Variants in CDC45 observed in about 807,000 individuals in gnomAD.
The protein encoded by CDC45 is cell division control protein 45 homolog.
A neutral mutation model predicts 77.8 loss-of-function variants in CDC45; 54 were observed. The ratio of observed to expected loss-of-function variants is 0.69; its 90% confidence interval spans 0.56 to 0.87. The LOEUF (loss-of-function observed/expected upper bound fraction) is 0.87, where lower values mean the gene tolerates loss of function less well. CDC45 is among the 40% of genes least tolerant of loss of function. The pLI is 0.00. For synonymous variants in CDC45, 260 were observed against 272.1 expected, an observed-to-expected ratio of 0.96 and a Z score of 0.44; for missense variants, 649 against 721.6, an observed-to-expected ratio of 0.90 and a Z score of 1.15.
rs2089953926 is a variant in CDC45, at chr22:19,480,220, G to A, written c.111+3G>A. ...TGTGTGCGTGCAAGATCCTTCAGGTGAGTTCTGCGGACCCTAGGAGGGCGG... is the reference window on the plus strand; with the variant it reads ...TGTGTGCGTGCAAGATCCTTCAGGTAAGTTCTGCGGACCCTAGGAGGGCGG... On this transcript the variant is annotated splice_donor_region_variant and intron_variant, in intron 2 of 18. Transcript: ENST00000263201. 2 of 1,613,524 alleles carry A rather than the reference G, an allele frequency of 1.2e-6. No individual in the cohort carries two copies. Among genetic ancestry groups the A allele is most frequent in the Non-Finnish European group, 1.7e-6 (2 of 1,179,810 alleles).
chr22:19,492,717 C>T (rs892299192), intron 5 of CDC45, among the ~76,000 whole-genome samples: 16 of 151,992 alleles, frequency 1.1e-4, no homozygotes, highest in Non-Finnish European at 1.0e-4. Flanking sequence ...GATTTCGTGT[C>T]TTCTTTAAGT....
At chr22:19,495,328 A>G (rs1203960601) in intron 6 of CDC45, among the ~76,000 whole-genome samples, 2 of 152,236 alleles carry the variant, frequency 1.3e-5, no homozygotes, top group African/African-American at 2.4e-5. Context: ...GTTACTTCCA[A>G]TATTTTGCCA....
intron 10 of CDC45, 112 bp downstream of exon 10, chr22:19,505,593 T>C: frequency 7.9e-6 from 10 of 1,266,182 alleles, no homozygotes; most frequent in Non-Finnish European, 1.1e-5. Flanking sequence ...GGAAAGCAGG[T>C]GGGGCAGGAA....
intron 10 of CDC45, among the ~76,000 whole-genome samples, chr22:19,506,820 G>C (rs1395620986): frequency 2.0e-5 from 3 of 152,146 alleles, no homozygotes; most frequent in African/African-American, 4.8e-5. Context: ...TATAGTCCCA[G>C]CTATTCGGGA....
chr22:19,518,999 T>C, intron 18 of CDC45, 90 bp downstream of exon 18: 1 of 995,414 alleles, frequency 1.0e-6, no homozygotes, highest in Non-Finnish European at 1.6e-6. Flanking sequence ...CAACGGAGGC[T>C]TCTACTTGGG....
intron 3 of CDC45, among the ~76,000 whole-genome samples, chr22:19,481,369 G>C (rs1181527273): frequency 6.6e-6 from 1 of 151,904 alleles, no homozygotes; most frequent in East Asian, 1.9e-4. Context: ...TTTTATTTTG[G>C]TTTATTTTTT....
intron 5 of CDC45, among the ~76,000 whole-genome samples, chr22:19,493,618 A>G (rs925088094): frequency 4.6e-5 from 7 of 151,814 alleles, no homozygotes; most frequent in Admixed American, 1.3e-4. Context: ...TAATTTTTGT[A>G]TTTTAAGTAG....
chr22:19,508,662 C>A lies in CDC45; in HGVS notation c.1188C>A (p.His396Gln), dbSNP rs1933346105. The A allele has an allele frequency of 6.2e-7, 1 of 1,614,080 alleles. No individual in the cohort carries two copies. The highest frequency in any genetic ancestry group is 1.7e-5 in the Admixed American group (1 of 60,004). Residue 396 changes from histidine to glutamine, a missense_variant, in exon 13 of 19, where the codon CAC (histidine) becomes CAA (glutamine). Transcript: ENST00000263201. ...SPEKDGSGTD[H>Q]FIQALDSLSR... ...AGAAGGATGGCTCAGGGACAGATCA[C>A]TTCATCCAGGCTCTGGACAGCCTCT...
chr22:19,500,491 C>A (rs901811352), intron 9 of CDC45, among the ~76,000 whole-genome samples: 1 of 152,132 alleles, frequency 6.6e-6, no homozygotes, highest in East Asian at 1.9e-4. Context: ...GATTGTAGTT[C>A]CCCTAACTGC....
At chr22:19,493,678 A>T (rs2090192252) in intron 5 of CDC45, among the ~76,000 whole-genome samples, 1 of 152,202 alleles carries the variant, frequency 6.6e-6, no homozygotes, top group South Asian at 2.1e-4. Context: ...TCCTGACCTC[A>T]TGTGATCCGC....
At chr22:19,499,180 G>T (rs1346108690) in intron 9 of CDC45, 29 bp downstream of exon 9, 1 of 1,613,166 alleles carries the variant, frequency 6.2e-7, no homozygotes, top group African/African-American at 1.3e-5. Context: ...GCCTTGCAGG[G>T]TCAGCCCTGT....
intron 6 of CDC45, chr22:19,494,650 C>T (rs1422758806): frequency 6.6e-6 from 8 of 1,212,836 alleles, no homozygotes; most frequent in Admixed American, 2.0e-5. Flanking sequence ...TTATTTTTAT[C>T]AAGTTTTTCC....
At chr22:19,479,808 C>A, upstream of CDC45, 1 of 735,620 alleles carries the variant, frequency 1.4e-6, no homozygotes, top group Non-Finnish European at 2.3e-6. Flanking sequence ...ATGGCCGCCT[C>A]CAATGTGGCC....
At chr22:19,517,297 G>A (rs1933855203) in intron 17 of CDC45, among the ~76,000 whole-genome samples, 1 of 152,134 alleles carries the variant, frequency 6.6e-6, no homozygotes, top group Admixed American at 6.6e-5. Flanking sequence ...CCCTTGCTGC[G>A]CCAGCCACCT....
rs1215163272 is a variant in CDC45 at position 19,479,922 on chromosome 22, G to C, written c.-47G>C. On this transcript the variant is annotated 5_prime_UTR_variant, in exon 1 of 19. Coordinates refer to ENST00000263201, the MANE Select transcript of CDC45 (RefSeq NM_003504.5). ...TGGCGGGAGTCTTGACCGCCGCCGGGCTCTTGGTACCTCAGCGCGAGCGCC... is the reference window on the plus strand; with the variant it reads ...TGGCGGGAGTCTTGACCGCCGCCGGCCTCTTGGTACCTCAGCGCGAGCGCC... 2 of 1,608,392 alleles carry C rather than the reference G, an allele frequency of 1.2e-6. No homozygotes were observed. The highest frequency in any genetic ancestry group is 1.7e-6 in the Non-Finnish European group (2 of 1,177,132).
chr22:19,514,614 A>T, intron 13 of CDC45, 135 bp from the exon 14 acceptor site: 1 of 687,796 alleles, frequency 1.5e-6, no homozygotes, highest in Non-Finnish European at 2.4e-6. Context: ...AAGACAACTC[A>T]GGAGGGAAAG....
At chr22:19,497,318 C>G (rs1308774968) in intron 7 of CDC45, 68 bp from the exon 8 acceptor site, 1 of 1,460,782 alleles carries the variant, frequency 6.8e-7, no homozygotes, top group African/African-American at 1.4e-5. Context: ...CAAGTCCAGT[C>G]TGGCTGCATG....
Position 19,507,845 on chromosome 22 carries a change from G to C in CDC45, c.1036G>C (p.Glu346Gln). The C allele has an allele frequency of 6.3e-7, 1 of 1,599,464 alleles. No individual in the cohort carries two copies. The highest frequency in any genetic ancestry group is 2.2e-5 in the East Asian group (1 of 44,810). ...GGAGAATTTGCGGGAAATGATTGAA[G>C]AGTCTGCAAATAAATTTGGGTAAAC... The part of the protein sequence containing the change: ...LKENLREMIE[E>Q]SANKFGMKDM... Residue 346 changes from glutamate to glutamine, a missense_variant, in exon 12 of 19, where the codon GAG becomes CAG. By Grantham distance (29) the Glu-to-Gln change is conservative (BLOSUM62 2). Coordinates refer to ENST00000263201, the MANE Select transcript of CDC45 (RefSeq NM_003504.5).
intron 10 of CDC45, 147 bp from the exon 11 acceptor site, chr22:19,507,239 G>A (rs1430702393): frequency 1.1e-6 from 1 of 901,146 alleles, no homozygotes; most frequent in African/African-American, 1.7e-5. Flanking sequence ...GAAGGTCAAA[G>A]GGCTCCAGGT....
Sources: gnomAD v4.1 joint callset for allele counts (sites outside exome capture counted in the v4.1 genomes callset) on GRCh38, gnomAD v4.1.1 for gene constraint, MANE v1.5 for transcripts, NCBI Gene and HGNC (gene_info 2026-07-23, HGNC 2026-07-21) for gene names.